Variants in CNTNAP2 observed in about 807,000 individuals in gnomAD.
CNTNAP2 encodes contactin-associated protein-like 2.
CNTNAP2 carries 98 observed loss-of-function variants against 155.2 expected under a neutral mutation model. That is an observed-to-expected ratio of 0.63 (90% CI 0.54 to 0.75). The LOEUF is 0.75. Ranked by LOEUF, CNTNAP2 falls within the 30% of genes least tolerant of loss-of-function variation. CNTNAP2 has a pLI of 0.00. For missense variants in CNTNAP2, 1,727 were observed against 1,688.1 expected, an observed-to-expected ratio of 1.02 and a Z score of -0.40; for synonymous variants, 651 against 631.2, an observed-to-expected ratio of 1.03 and a Z score of -0.47.
At chr7:146,893,714 T>C (rs977271762) in intron 3 of CNTNAP2, among the ~76,000 whole-genome samples, 7 of 152,100 alleles carry the variant, frequency 4.6e-5, no homozygotes, top group African/African-American at 7.2e-5. Flanking sequence ...CCTGTCTCTT[T>C]AGGATAGTCT....
chr7:147,696,702 T>C (rs145432591), intron 13 of CNTNAP2, among the ~76,000 whole-genome samples: 15 of 152,274 alleles, frequency 9.9e-5, no homozygotes, highest in Admixed American at 2.6e-4. Flanking sequence ...TGGCAACAAA[T>C]TTCCTCTATC....
At position 146,683,936 on chromosome 7, in the gene CNTNAP2, G is replaced by C. The variant is rs74515900; in HGVS notation, c.98-90335G>C. Reference sequence around the variant, plus strand: ...TGAGACTCTTGCCATCCTGTAAATAGTCATAGCAGCTACACCTTTCACTGG... The same window carrying C: ...TGAGACTCTTGCCATCCTGTAAATACTCATAGCAGCTACACCTTTCACTGG... On this transcript the variant is annotated intron_variant, in intron 1 of 23. Coordinates refer to ENST00000361727, the MANE Select transcript of CNTNAP2 (RefSeq NM_014141.6). Among the ~76,000 whole-genome samples, 956 of 152,270 alleles carry C rather than the reference G, an allele frequency of 6.3e-3. 9 individuals are homozygous for C. Among genetic ancestry groups the C allele is most frequent in the African/African-American group, 0.022 (914 of 41,548 alleles).
At chr7:146,689,923 A>AC (rs1452044643) in intron 1 of CNTNAP2, among the ~76,000 whole-genome samples, 5 of 152,114 alleles carry the variant, frequency 3.3e-5, no homozygotes, top group African/African-American at 1.2e-4. Context: ...TTCTCATATG[A>AC]CAGACCCCCT....
intron 13 of CNTNAP2, among the ~76,000 whole-genome samples, chr7:147,883,843 C>A (rs1799563004): frequency 6.6e-6 from 1 of 152,034 alleles, no homozygotes; most frequent in Non-Finnish European, 1.5e-5. Flanking sequence ...TATTAACCAC[C>A]TAACTATGGA....
At position 147,784,494 on chromosome 7, in the gene CNTNAP2, A is replaced by AATAT. The variant is rs10528525; in HGVS notation, c.2099-119018_2099-119015dup. Reference sequence around the variant, plus strand: ...CTCTTAATATTCTGGGCTCTGGACTAATATATATATATATATATATATATA... The same window carrying AATAT: ...CTCTTAATATTCTGGGCTCTGGACTAATATATATATATATATATATATATATATA... On this transcript the variant is annotated intron_variant, in intron 13 of 23. Coordinates refer to ENST00000361727, the MANE Select transcript of CNTNAP2 (RefSeq NM_014141.6). Among the ~76,000 whole-genome samples the AATAT allele has an allele frequency of 1.8e-3, 83 of 44,982 alleles. 1 individual carries two copies. Among genetic ancestry groups the AATAT allele is most frequent in the South Asian group, 3.5e-3 (3 of 852 alleles). The allele number at this position is 44,982 out of a possible 152,430, so 29.5% of individuals were successfully genotyped here. A position where few individuals can be genotyped will look rare whatever the true frequency, so the allele number is the denominator to read the frequency against.
chr7:147,256,942 G>A (rs1804342459), intron 8 of CNTNAP2, among the ~76,000 whole-genome samples: 1 of 151,920 alleles, frequency 6.6e-6, no homozygotes, highest in Non-Finnish European at 1.5e-5. Context: ...ATTCTTAAGG[G>A]GGAAAAAGAG....
At chr7:148,414,405 G>A (rs1379915521) in intron 23 of CNTNAP2, among the ~76,000 whole-genome samples, 1 of 131,746 alleles carries the variant, frequency 7.6e-6, no homozygotes, top group African/African-American at 2.9e-5. Context: ...ACCTCTACAA[G>A]TTCCACGTTG....
At chr7:147,204,501 A>G (rs1802980196) in intron 8 of CNTNAP2, among the ~76,000 whole-genome samples, 1 of 152,158 alleles carries the variant, frequency 6.6e-6, no homozygotes, top group African/African-American at 2.4e-5. Flanking sequence ...AAGATGAGGA[A>G]CACCATGCTA....
chr7:148,227,592 G>A (rs1173857785), intron 19 of CNTNAP2, among the ~76,000 whole-genome samples: 1 of 152,182 alleles, frequency 6.6e-6, no homozygotes, highest in Non-Finnish European at 1.5e-5. Context: ...CAAGGACACT[G>A]TGGGTGCCAA....
chr7:147,647,793 A>C (rs1795391592), intron 13 of CNTNAP2, among the ~76,000 whole-genome samples: 1 of 152,246 alleles, frequency 6.6e-6, no homozygotes, highest in Non-Finnish European at 1.5e-5. Context: ...AACAGTAGGA[A>C]GAAAGAATCA....
At chr7:146,604,274 G>C (rs1274695134) in intron 1 of CNTNAP2, among the ~76,000 whole-genome samples, 32 of 73,430 alleles carry the variant, frequency 4.4e-4, no homozygotes, top group East Asian at 9.7e-4. Flanking sequence ...GACATGAACA[G>C]ACACTTCTCA....
chr7:147,055,744 G>A (rs1179896982), intron 4 of CNTNAP2, among the ~76,000 whole-genome samples: 5 of 152,142 alleles, frequency 3.3e-5, no homozygotes, highest in Non-Finnish European at 7.4e-5. Context: ...GATGTGATTG[G>A]CTTGTTCGAA....
At chr7:146,636,201 CG>C (rs916111304) in intron 1 of CNTNAP2, among the ~76,000 whole-genome samples, 2 of 105,076 alleles carry the variant, frequency 1.9e-5, no homozygotes, top group Non-Finnish European at 3.9e-5. Flanking sequence ...GGCAGGGGGG[CG>C]GGGGGTGATG....
chr7:147,527,080 T>G (rs1393906154), intron 11 of CNTNAP2, among the ~76,000 whole-genome samples: 1 of 136,716 alleles, frequency 7.3e-6, no homozygotes, highest in African/African-American at 2.9e-5. Flanking sequence ...TGGAGTGCAG[T>G]GGTGTGATCT....
At chr7:147,230,804 T>C (rs555507317) in intron 8 of CNTNAP2, among the ~76,000 whole-genome samples, 1 of 152,332 alleles carries the variant, frequency 6.6e-6, no homozygotes, top group East Asian at 1.9e-4. Flanking sequence ...GACTGAACTT[T>C]TAGATTCCAC....
chr7:147,693,113 T>G (rs911757883), intron 13 of CNTNAP2, among the ~76,000 whole-genome samples: 3 of 152,084 alleles, frequency 2.0e-5, no homozygotes, highest in Admixed American at 6.6e-5. Flanking sequence ...TGAAGAAAAC[T>G]ATCTTTTCTT....
At chr7:148,247,643 A>AT (rs1563010572) in intron 20 of CNTNAP2, among the ~76,000 whole-genome samples, 2 of 129,718 alleles carry the variant, frequency 1.5e-5, no homozygotes, top group Admixed American at 7.5e-5. Context: ...TTATTTATTT[A>AT]TTTATTTATT....
At chr7:146,510,055 C>T (rs1797443985) in intron 1 of CNTNAP2, among the ~76,000 whole-genome samples, 1 of 152,108 alleles carries the variant, frequency 6.6e-6, no homozygotes, top group South Asian at 2.1e-4. Flanking sequence ...TTGTCAAGTT[C>T]CAGTTCCCAG....
intron 11 of CNTNAP2, among the ~76,000 whole-genome samples, chr7:147,540,652 G>A (rs1010449692): frequency 2.0e-5 from 3 of 152,112 alleles, no homozygotes; most frequent in African/African-American, 7.2e-5. Context: ...CCAACATGGT[G>A]AAACTCCATC....
Sources: gnomAD v4.1 joint callset for allele counts (sites outside exome capture counted in the v4.1 genomes callset) on GRCh38, gnomAD v4.1.1 for gene constraint, MANE v1.5 for transcripts, NCBI Gene and HGNC (gene_info 2026-07-23, HGNC 2026-07-21) for gene names.